The following NRXN1 variants were observed in gnomAD, a reference collection of about 807,000 sequenced individuals.
NRXN1 encodes the protein neurexin-1.
Under a neutral mutation model 150.9 loss-of-function variants are expected in NRXN1, and 39 were observed. That is an observed-to-expected ratio of 0.26 (90% CI 0.20 to 0.34). NRXN1 has a LOEUF of 0.34. Among genes scored for constraint, NRXN1 ranks in the 10% least tolerant of loss-of-function variants. The pLI, the probability that NRXN1 is intolerant of heterozygous loss-of-function variation, is 1.00. For missense variants in NRXN1, 1,815 were observed against 1,949.9 expected (o/e 0.93, Z 1.30); for synonymous variants, 924 against 757.0 (o/e 1.22, Z -3.62).
At chr2:50,797,956 C>T (rs894887839) in intron 5 of NRXN1, among the ~76,000 whole-genome samples, 2 of 152,130 alleles carry the variant, frequency 1.3e-5, no homozygotes, top group African/African-American at 2.4e-5. Flanking sequence ...GGCTTCTCTG[C>T]TCACATAACT....
chr2:50,428,351 A>C (rs1558714869), intron 17 of NRXN1, among the ~76,000 whole-genome samples: 1 of 152,092 alleles, frequency 6.6e-6, no homozygotes, highest in South Asian at 2.1e-4. Flanking sequence ...GAAGGTCGAA[A>C]CAGCTGTGAG....
At chr2:50,182,947 C>T (rs2060829537) in intron 18 of NRXN1, among the ~76,000 whole-genome samples, 1 of 151,968 alleles carries the variant, frequency 6.6e-6, no homozygotes, top group Non-Finnish European at 1.5e-5. Flanking sequence ...AATTATCTCA[C>T]TAGAAGGCTG....
Position 50,578,578 on chromosome 2 carries a change from C to A in NRXN1, c.1321-25553G>T, listed in dbSNP as rs183052947. The stretch of plus-strand genomic sequence containing the variant: ...ACAGTCTACCTATCTTAATTCAGAT[C>A]CTTTACTTTTATACTCATGTGAATG... On this transcript the variant is annotated intron_variant, in intron 8 of 22. Transcript: ENST00000401669. 2.1e-3 allele frequency among the ~76,000 whole-genome samples: 325 copies of A among 152,122 alleles called. 1 individual carries two copies. Among genetic ancestry groups the A allele is most frequent in the African/African-American group, 7.6e-3 (315 of 41,502 alleles).
intron 5 of NRXN1, among the ~76,000 whole-genome samples, chr2:50,760,906 T>C (rs926913787): frequency 6.6e-6 from 1 of 151,932 alleles, no homozygotes. Flanking sequence ...GTGCCTCAGC[T>C]CAGGAGCTTC....
chr2:50,587,527 G>A (rs1673372949), intron 8 of NRXN1, among the ~76,000 whole-genome samples: 1 of 152,040 alleles, frequency 6.6e-6, no homozygotes. Context: ...AAGTTGCCTT[G>A]TAACTGAAAA....
chr2:50,581,278 C>T (rs1173393973), intron 8 of NRXN1, among the ~76,000 whole-genome samples: 2 of 152,100 alleles, frequency 1.3e-5, no homozygotes, highest in Non-Finnish European at 2.9e-5. Context: ...CTTTCTTGGC[C>T]TACAGTTTTC....
At chr2:51,009,838 A>C (rs1389911496) in intron 2 of NRXN1, among the ~76,000 whole-genome samples, 2 of 151,916 alleles carry the variant, frequency 1.3e-5, no homozygotes, top group African/African-American at 4.8e-5. Flanking sequence ...GAAACGTTAC[A>C]TCTGGTTCTG....
At chr2:50,139,631 C>G (rs967982226) in intron 18 of NRXN1, among the ~76,000 whole-genome samples, 1 of 152,122 alleles carries the variant, frequency 6.6e-6, no homozygotes, top group Admixed American at 6.5e-5. Context: ...CAAAACACCA[C>G]CAGTAATGAT....
intron 21 of NRXN1, among the ~76,000 whole-genome samples, chr2:49,985,482 C>T (rs1192333217): frequency 6.6e-6 from 1 of 152,166 alleles, no homozygotes; most frequent in Non-Finnish European, 1.5e-5. Context: ...TTGCAATGCA[C>T]TAGATTTTGC....
intron 2 of NRXN1, among the ~76,000 whole-genome samples, chr2:50,962,343 G>A (rs1297128270): frequency 6.6e-6 from 1 of 151,626 alleles, no homozygotes; most frequent in African/African-American, 2.4e-5. Flanking sequence ...GAGGCCTCTT[G>A]TTTCTTTTTT....
intron 17 of NRXN1, among the ~76,000 whole-genome samples, chr2:50,367,938 C>T (rs543038437): frequency 1.3e-3 from 193 of 152,126 alleles, no homozygotes; most frequent in African/African-American, 4.3e-3. Context: ...ACCTGTCTAT[C>T]TAAACAGTTT....
chr2:50,410,814 G>C (rs578138663), intron 17 of NRXN1, among the ~76,000 whole-genome samples: 6 of 152,342 alleles, frequency 3.9e-5, no homozygotes, highest in African/African-American at 1.2e-4. Flanking sequence ...TTTGAAGAGA[G>C]ACCAGGGAGC....
intron 19 of NRXN1, among the ~76,000 whole-genome samples, chr2:50,081,350 G>A (rs1294224935): frequency 5.3e-5 from 8 of 152,140 alleles, no homozygotes; most frequent in South Asian, 4.1e-4. Flanking sequence ...GGGCTGAGGC[G>A]GGTGGATCAC....
At chr2:50,207,882 G>A (rs1431539383) in intron 18 of NRXN1, among the ~76,000 whole-genome samples, 4 of 152,102 alleles carry the variant, frequency 2.6e-5, no homozygotes, top group Non-Finnish European at 5.9e-5. Flanking sequence ...TAGGGCCTTT[G>A]TTGTTTCCAT....
chr2:50,677,294 T>C (rs1689693210), intron 5 of NRXN1, among the ~76,000 whole-genome samples: 1 of 152,172 alleles, frequency 6.6e-6, no homozygotes, highest in African/African-American at 2.4e-5. Context: ...CCAACATAAT[T>C]GATATTCTCT....
chr2:50,280,405 A>G (rs969239261), intron 17 of NRXN1, among the ~76,000 whole-genome samples: 1 of 152,118 alleles, frequency 6.6e-6, no homozygotes, highest in Non-Finnish European at 1.5e-5. Context: ...AAATCTCCTG[A>G]GATTTTCTGA....
intron 17 of NRXN1, among the ~76,000 whole-genome samples, chr2:50,389,198 T>A (rs1441076633): frequency 6.6e-6 from 1 of 150,466 alleles, no homozygotes; most frequent in African/African-American, 2.5e-5. Flanking sequence ...AAATAAAAAG[T>A]AAATATGTGT....
At chr2:49,971,394 CTAGT>C (rs1417015791) in intron 21 of NRXN1, among the ~76,000 whole-genome samples, 2 of 152,054 alleles carry the variant, frequency 1.3e-5, no homozygotes, top group Non-Finnish European at 2.9e-5. Flanking sequence ...AAGTATTTCC[CTAGT>C]TAATGTGTTG....
At chr2:49,975,587 ATTTTTCAAG>A (rs1037531982) in intron 21 of NRXN1, among the ~76,000 whole-genome samples, 2 of 152,084 alleles carry the variant, frequency 1.3e-5, no homozygotes, top group African/African-American at 4.8e-5. Context: ...ATAATAAAGC[ATTTTTCAAG>A]TTTTTTAAAA....
Sources: gnomAD v4.1 joint callset for allele counts (sites outside exome capture counted in the v4.1 genomes callset) on GRCh38, gnomAD v4.1.1 for gene constraint, MANE v1.5 for transcripts, NCBI Gene and HGNC (gene_info 2026-07-23, HGNC 2026-07-21) for gene names.